Variants in PAPOLA observed in about 807,000 individuals in gnomAD.
PAPOLA encodes the protein poly(A) polymerase alpha.
Under a neutral mutation model 100.6 loss-of-function variants are expected in PAPOLA, and 15 were observed. The observed-to-expected ratio is 0.15, with a 90% CI of 0.10 to 0.23. The LOEUF (loss-of-function observed/expected upper bound fraction) is 0.23, where lower values mean the gene tolerates loss of function less well. Among genes scored for constraint, PAPOLA ranks in the 10% least tolerant of loss-of-function variants. The pLI, the probability that PAPOLA is intolerant of heterozygous loss-of-function variation, is 1.00. For synonymous variants in PAPOLA, 293 were observed against 300.0 expected (o/e 0.98, Z 0.24); for missense variants, 533 against 884.2 (o/e 0.60, Z 5.04).
chr14:96,532,234 C>T, intron 7 of PAPOLA, 97 bp from the exon 8 acceptor site: 1 of 1,434,734 alleles, frequency 7.0e-7, no homozygotes, highest in Non-Finnish European at 9.1e-7. Flanking sequence ...GGAAGCATTA[C>T]CATTAAACTT....
intron 12 of PAPOLA, 155 bp downstream of exon 12, chr14:96,537,215 T>C (rs1899611983): frequency 1.7e-6 from 1 of 594,490 alleles, no homozygotes. Context: ...CTTAGTTTTT[T>C]TTGGTTGAGG....
At chr14:96,531,811 G>A in intron 7 of PAPOLA, 1 of 1,417,828 alleles carries the variant, frequency 7.1e-7, no homozygotes, top group Non-Finnish European at 9.1e-7. Context: ...GTATACTCAG[G>A]ACACTTAAAA....
chr14:96,523,726 C>T (rs1053979098), intron 3 of PAPOLA, among the ~76,000 whole-genome samples: 4 of 152,128 alleles, frequency 2.6e-5, no homozygotes, highest in South Asian at 2.1e-4. Context: ...GGGCTTATCA[C>T]GAGGTCAAGA....
intron 9 of PAPOLA, 113 bp from the exon 10 acceptor site, chr14:96,534,378 C>T: frequency 6.6e-7 from 1 of 1,519,526 alleles, no homozygotes; most frequent in South Asian, 1.3e-5. Context: ...GTTGTATGTA[C>T]CAAGAAGGCA....
intron 17 of PAPOLA, among the ~76,000 whole-genome samples, chr14:96,554,147 T>G (rs567351668): frequency 1.3e-4 from 20 of 152,360 alleles, no homozygotes; most frequent in African/African-American, 4.6e-4. Flanking sequence ...GTTTTGAAGT[T>G]TAGTTTCTTG....
Position 96,535,611 on chromosome 14 carries a change from A to C in PAPOLA, c.910-268A>C, listed in dbSNP as rs1251822629. The C allele has an allele frequency of 2.8e-6, 3 of 1,090,044 alleles. No homozygotes were observed. The African/African-American group carries it at 4.9e-5, about 18-fold the overall frequency. 67.5% of individuals were successfully genotyped at this position (1,090,044 alleles called of 1,614,324 possible). The stretch of plus-strand genomic sequence containing the variant: ...ACTAAACATCAATAGATTCCCAAGC[A>C]GAACTTTTTTGTTGTTGTTCAGCAG... On this transcript the variant is annotated intron_variant, in intron 10 of 21. Coordinates refer to ENST00000216277, the MANE Select transcript of PAPOLA (RefSeq NM_032632.5).
At chr14:96,510,493 G>C (rs1025091353) in intron 1 of PAPOLA, among the ~76,000 whole-genome samples, 17 of 150,642 alleles carry the variant, frequency 1.1e-4, no homozygotes, top group African/African-American at 4.2e-4. Context: ...GCGTGCGCTT[G>C]TGCGCAAAGG....
intron 3 of PAPOLA, among the ~76,000 whole-genome samples, chr14:96,522,330 G>T (rs931508715): frequency 6.6e-6 from 1 of 151,574 alleles, no homozygotes; most frequent in Non-Finnish European, 1.5e-5. Context: ...ACGTTGACCA[G>T]CTGGTCTCAA....
At chr14:96,529,129 AGGAAC>A (rs1221172311) in intron 6 of PAPOLA, among the ~76,000 whole-genome samples, 1 of 152,206 alleles carries the variant, frequency 6.6e-6, no homozygotes, top group African/African-American at 2.4e-5. Context: ...ATAATATTTT[AGGAAC>A]ATAATATTTT....
At chr14:96,544,080 T>C (rs957130730) in intron 14 of PAPOLA, 69 bp from the exon 15 acceptor site, 7 of 831,930 alleles carry the variant, frequency 8.4e-6, no homozygotes, top group East Asian at 2.4e-5. Flanking sequence ...ATGTCTCTGA[T>C]TGTCAGCCAC....
At position 96,560,630 on chromosome 14, in the gene PAPOLA, CTT is replaced by C; in HGVS notation, c.2005-10_2005-9del. 7 of 1,428,632 alleles carry C rather than the reference CTT, an allele frequency of 4.9e-6. No individual in the cohort carries two copies. The highest frequency in any genetic ancestry group is 3.8e-5 in the Admixed American group (2 of 52,706). The allele number at this position is 1,428,632 out of a possible 1,614,324, so 88.5% of individuals were successfully genotyped here. Reference sequence around the variant, plus strand: ...AAATTTTTCATTTTAGAGAATAAAGCTTTTTTTTTTAAAAACAGGATGAAACA... The same window carrying C: ...AAATTTTTCATTTTAGAGAATAAAGCTTTTTTTTAAAAACAGGATGAAACA... On this transcript the variant is annotated splice_polypyrimidine_tract_variant and intron_variant, in intron 19 of 21. Transcript: ENST00000216277.
chr14:96,502,614 A>G lies in PAPOLA; in HGVS notation c.8+14A>G, dbSNP rs1400484394. 3.2e-6 allele frequency: 5 copies of G among 1,575,172 alleles called. No homozygotes were observed. In the South Asian group the frequency reaches 3.4e-5, roughly 11 times the overall value. On this transcript the variant is annotated intron_variant, in intron 1 of 21. Transcript: ENST00000216277. ...GACGATGCCGTTGTAAGTAATTTGT[A>G]TTCTGTTTTCTTTCGCTCGCCGGCT...
chr14:96,503,765 GATAATTT>G (rs2140211506), intron 1 of PAPOLA, among the ~76,000 whole-genome samples: 1 of 151,984 alleles, frequency 6.6e-6, no homozygotes, highest in African/African-American at 2.4e-5. Context: ...TGTAAGTAAG[GATAATTT>G]CTTTAGCACA....
At chr14:96,528,088 G>A in intron 6 of PAPOLA, 82 bp downstream of exon 6, 1 of 871,928 alleles carries the variant, frequency 1.1e-6, no homozygotes. Flanking sequence ...TTGGTTTAAA[G>A]TTTATAATTA....
At chr14:96,518,486 G>A (rs574649063) in intron 1 of PAPOLA, among the ~76,000 whole-genome samples, 2 of 151,382 alleles carry the variant, frequency 1.3e-5, no homozygotes, top group Non-Finnish European at 2.9e-5. Context: ...TCAGCTCACT[G>A]CAAGCTCCGC....
chr14:96,554,681 T>C (rs1008404427), intron 17 of PAPOLA, among the ~76,000 whole-genome samples: 3 of 152,188 alleles, frequency 2.0e-5, no homozygotes, highest in Admixed American at 6.5e-5. Context: ...TTTTCTGCTT[T>C]TGTTTTTCTT....
Position 96,521,082 on chromosome 14 carries a change from C to CT in PAPOLA, c.249+16dup. 2.9e-6 allele frequency: 4 copies of CT among 1,392,766 alleles called. No individual in the cohort carries two copies. Among genetic ancestry groups the CT allele is most frequent in the Non-Finnish European group, 4.1e-6 (4 of 981,800 alleles). 86.3% of individuals were successfully genotyped at this position (1,392,766 alleles called of 1,614,324 possible). Reference sequence around the variant, plus strand: ...AATCAGTGAAAGCAAGGTAAGGCAACTTTTTTGTATATGAAATAATTTCAT... The same window carrying CT: ...AATCAGTGAAAGCAAGGTAAGGCAACTTTTTTTGTATATGAAATAATTTCAT... On this transcript the variant is annotated intron_variant, in intron 3 of 21. Coordinates refer to ENST00000216277, the MANE Select transcript of PAPOLA (RefSeq NM_032632.5).
intron 17 of PAPOLA, among the ~76,000 whole-genome samples, chr14:96,555,429 C>G (rs1182803792): frequency 6.6e-6 from 1 of 151,936 alleles, no homozygotes. Context: ...AGTTAAGTCT[C>G]TTAGCCAAAA....
In PAPOLA at chr14:96,556,253, T is replaced by C; in HGVS notation, c.1844T>C (p.Val615Ala). 1 of 1,613,296 alleles carries C rather than the reference T, an allele frequency of 6.2e-7. No individual in the cohort carries two copies. The highest frequency in any genetic ancestry group is 8.5e-7 in the Non-Finnish European group (1 of 1,179,762). ...CCACCAAAGCCTACGGTCTCCAGAG[T>C]TGTTTCTTCAACACGTCTGGTAAAC... ...SPPPKPTVSR[V>A]VSSTRLVNPP... The change falls in exon 19 of 22, where the codon GTT becomes GCT. Residue 615 changes from valine to alanine, a missense_variant. Around this residue, in one of 9 missense-constraint regions of PAPOLA, gnomAD observed 242 missense variants for 281.0 expected, o/e 0.86. Coordinates refer to ENST00000216277, the MANE Select transcript of PAPOLA (RefSeq NM_032632.5).
Sources: allele counts gnomAD v4.1 joint callset (sites outside exome capture counted in the v4.1 genomes callset), GRCh38; gene constraint gnomAD v4.1.1; regional missense constraint gnomAD v4.1.1; transcripts MANE v1.5; gene names NCBI Gene and HGNC (gene_info 2026-07-23, HGNC 2026-07-21).